Variants in ZNF568 observed in about 807,000 individuals in gnomAD.
ZNF568 encodes zinc finger protein 568.
A neutral mutation model predicts 18.1 loss-of-function variants in ZNF568; 11 were observed. The observed-to-expected ratio is 0.61, with a 90% CI of 0.38 to 1.00. ZNF568 has a LOEUF of 1.00. ZNF568 is among the 50% of genes least tolerant of loss of function. The pLI is 0.01. For missense variants in ZNF568, 639 were observed against 768.2 expected, an observed-to-expected ratio of 0.83 and a Z score of 1.99; for synonymous variants, 213 against 246.6, an observed-to-expected ratio of 0.86 and a Z score of 1.28.
intron 6 of ZNF568, among the ~76,000 whole-genome samples, chr19:36,959,707 A>T (rs1222195431): frequency 6.6e-6 from 1 of 152,042 alleles, no homozygotes; most frequent in East Asian, 1.9e-4. Context: ...TTCAGATTTT[A>T]TATTTCCTCG....
rs1167051526 is a variant in ZNF568, at chr19:36,996,709, CAT to C, written c.624_625del (p.His208GlnfsTer2). 6.5e-6 allele frequency: 10 copies of C among 1,536,454 alleles called. No homozygotes were observed. Among genetic ancestry groups the C allele is most frequent in the Non-Finnish European group, 8.7e-6 (10 of 1,147,024 alleles). On this transcript the variant is annotated frameshift_variant, in exon 5 of 5. Coordinates refer to the ZNF568 transcript ENST00000433993. LOFTEE classifies it low-confidence loss of function (END_TRUNC). ...TCAGACGCTTCATGAAAGCAAAAAA[CAT>C]AGTGAAAATAACAAATGTGCCTTTA...
At chr19:36,963,299 C>T (rs1600834596) in intron 6 of ZNF568, among the ~76,000 whole-genome samples, 1 of 152,250 alleles carries the variant, frequency 6.6e-6, no homozygotes, top group East Asian at 1.9e-4. Context: ...AATTCAGTCT[C>T]AGTAGCTTCA....
Position 36,985,684 on chromosome 19 carries a change from G to A in ZNF568, c.10-5492G>A, listed in dbSNP as rs138682881. The stretch of plus-strand genomic sequence containing the variant: ...ACTACAGGTGCGCACCACCATGCCC[G>A]GCTAATTTTTGCATTTTAAGTAGAG... On this transcript the variant is annotated intron_variant, in intron 2 of 4. Transcript: ENST00000433993. 6.2e-3 allele frequency among the ~76,000 whole-genome samples: 949 copies of A among 152,052 alleles called. 28 individuals carry two copies. The highest frequency in any genetic ancestry group is 0.05 in the East Asian group (260 of 5,162).
exon 8 of ZNF568, chr19:36,979,681 T>G (rs1173185420): frequency 6.6e-6 from 1 of 152,218 alleles, no homozygotes; most frequent in Non-Finnish European, 1.5e-5. Flanking sequence ...ATTTATATTG[T>G]GTACATTACT....
chr19:36,927,899 ATATATTTTTTTTTTTTT>A (rs2073605498), intron 4 of ZNF568, among the ~76,000 whole-genome samples: 2 of 24,086 alleles, frequency 8.3e-5, no homozygotes, highest in African/African-American at 5.3e-4. Flanking sequence ...ATATATATAT[ATATATTTTTTTTTTTTT>A]TTTTTTTTTT....
At chr19:36,994,398 G>A (rs1347470839) in intron 4 of ZNF568, among the ~76,000 whole-genome samples, 2 of 152,162 alleles carry the variant, frequency 1.3e-5, no homozygotes, top group Non-Finnish European at 2.9e-5. Flanking sequence ...TGAGTGGAAT[G>A]TTCTACAAAT....
chr19:36,954,609 A>C, downstream of ZNF568, among the ~76,000 whole-genome samples: 1 of 149,898 alleles, frequency 6.7e-6, no homozygotes, highest in Admixed American at 6.7e-5. Flanking sequence ...TTGCTCTGTC[A>C]CCCAGGCTGC....
At position 36,936,886 on chromosome 19, in the gene ZNF568, G is replaced by A. The variant is rs1373582912; in HGVS notation, c.262+14G>A. 4 of 1,609,658 alleles carry A rather than the reference G, an allele frequency of 2.5e-6. No homozygotes were observed. Among genetic ancestry groups the A allele is most frequent in the Non-Finnish European group, 3.4e-6 (4 of 1,177,150 alleles). Reference sequence around the variant, plus strand: ...TAGTCACAGTGGGTAAGGTGGCTTGGTAGCCTTGCAATTTAACAGAGAATT... The same window carrying A: ...TAGTCACAGTGGGTAAGGTGGCTTGATAGCCTTGCAATTTAACAGAGAATT... On this transcript the variant is annotated intron_variant, in intron 5 of 6. Coordinates refer to ENST00000333987, the MANE Select transcript of ZNF568 (RefSeq NM_198539.4).
intron 7 of ZNF568, chr19:36,976,345 C>T (rs577012688): frequency 1.3e-5 from 2 of 152,040 alleles, no homozygotes; most frequent in Non-Finnish European, 2.9e-5. Context: ...TTGTTTAATC[C>T]ACATAACAAC....
chr19:36,951,161 A>G lies in ZNF568; in HGVS notation c.*73A>G. ...TTGGCATAAGCTCAAAAAAGCCAGG[A>G]TCTTTATGGAAAAATTTTAATACTT... is the stretch of plus-strand genomic sequence containing the variant. On this transcript the variant is annotated 3_prime_UTR_variant, in exon 7 of 7. Coordinates refer to ENST00000333987, the MANE Select transcript of ZNF568 (RefSeq NM_198539.4). 1 of 1,413,194 alleles carries G rather than the reference A, an allele frequency of 7.1e-7. No homozygotes were observed. Among genetic ancestry groups the G allele is most frequent in the Non-Finnish European group, 9.3e-7 (1 of 1,071,186 alleles). The allele number at this position is 1,413,194 out of a possible 1,614,324, so 87.5% of individuals were successfully genotyped here.
intron 4 of ZNF568, chr19:36,991,953 G>T (rs1025060992): frequency 1.2e-6 from 1 of 845,276 alleles, no homozygotes; most frequent in South Asian, 2.0e-5. Context: ...GCCTAAAAAG[G>T]CTTGAGATCT....
intron 6 of ZNF568, chr19:36,974,336 G>T: frequency 8.4e-7 from 1 of 1,184,816 alleles, no homozygotes; most frequent in Non-Finnish European, 1.2e-6. Flanking sequence ...CAGTGCCTGG[G>T]GTGGGGCAGG....
chr19:36,997,428 T>G (rs2074487725), downstream of ZNF568: 3 of 1,583,620 alleles, frequency 1.9e-6, no homozygotes, highest in African/African-American at 1.3e-5. Context: ...CAGAACTTGT[T>G]CGACATCAAA....
intron 6 of ZNF568, among the ~76,000 whole-genome samples, chr19:36,973,949 G>C (rs558656276): frequency 4.3e-4 from 66 of 152,220 alleles, no homozygotes; most frequent in African/African-American, 1.6e-3. Context: ...CCTCCATCGG[G>C]TCTATCTCTG....
At chr19:36,972,961 T>C (rs1189806504) in intron 6 of ZNF568, among the ~76,000 whole-genome samples, 1 of 152,216 alleles carries the variant, frequency 6.6e-6, no homozygotes, top group Non-Finnish European at 1.5e-5. Context: ...AGCCTTTTTC[T>C]AGCCGTCAGC....
At chr19:36,996,003 A>G (rs1043140653) in intron 4 of ZNF568, among the ~76,000 whole-genome samples, 3 of 152,118 alleles carry the variant, frequency 2.0e-5, no homozygotes, top group African/African-American at 7.2e-5. Flanking sequence ...AATCTGCTCA[A>G]CTTCAATTAG....
downstream of ZNF568, chr19:36,997,344 C>G: frequency 1.3e-6 from 2 of 1,598,046 alleles, no homozygotes; most frequent in Non-Finnish European, 1.7e-6. Context: ...CAGAACTTAC[C>G]CGACATCAGA....
chr19:36,980,374 G>A (rs1192130705), downstream of ZNF568: 1 of 152,052 alleles, frequency 6.6e-6, no homozygotes, highest in East Asian at 1.9e-4. Flanking sequence ...TGTAGGGTGT[G>A]GTATTTCCAT....
chr19:36,939,567 T>C (rs990180179), intron 6 of ZNF568, among the ~76,000 whole-genome samples: 1 of 125,160 alleles, frequency 8.0e-6, no homozygotes, highest in African/African-American at 3.2e-5. Context: ...TGAGACGGAG[T>C]CTCACTCTGT....
Sources: gnomAD v4.1 joint callset for allele counts (sites outside exome capture counted in the v4.1 genomes callset) on GRCh38, gnomAD v4.1.1 for gene constraint, MANE v1.5 for transcripts, NCBI Gene and HGNC (gene_info 2026-07-23, HGNC 2026-07-21) for gene names.